Variants in CEP112 observed in about 807,000 individuals in gnomAD.
CEP112 encodes the protein centrosomal protein of 112 kDa.
Under a neutral mutation model 153.0 loss-of-function variants are expected in CEP112, and 127 were observed. The ratio of observed to expected loss-of-function variants is 0.83; its 90% CI spans 0.72 to 0.96. The LOEUF is 0.96. Ranked by LOEUF, CEP112 falls within the 40% of genes least tolerant of loss-of-function variation. The pLI, the probability that CEP112 is intolerant of heterozygous loss-of-function variation, is 0.00. For missense variants in CEP112, 1,089 were observed against 1,101.2 expected (o/e 0.99, Z 0.16); for synonymous variants, 358 against 374.4 (o/e 0.96, Z 0.51).
At chr17:66,003,589 G>T (rs552346365) in intron 17 of CEP112, among the ~76,000 whole-genome samples, 1 of 152,162 alleles carries the variant, frequency 6.6e-6, no homozygotes, top group Non-Finnish European at 1.5e-5. Context: ...ATTACAATGT[G>T]TAAACATTGT....
intron 21 of CEP112, among the ~76,000 whole-genome samples, chr17:65,762,706 T>A (rs1342319452): frequency 1.3e-5 from 2 of 152,092 alleles, no homozygotes; most frequent in East Asian, 1.9e-4. Context: ...CTTATATGAA[T>A]GAAATAATCC....
At chr17:66,003,403 TA>T (rs2064141519) in intron 17 of CEP112, among the ~76,000 whole-genome samples, 1 of 152,172 alleles carries the variant, frequency 6.6e-6, no homozygotes, top group South Asian at 2.1e-4. Context: ...GTTATATACA[TA>T]AACTCCTAAT....
Position 65,847,416 on chromosome 17 carries a change from C to T in CEP112, c.2394+4388G>A, listed in dbSNP as rs9915297. Among the ~76,000 whole-genome samples, 402 of 152,286 alleles carry T rather than the reference C, an allele frequency of 2.6e-3. 1 individual carries two copies. The highest frequency in any genetic ancestry group is 9.4e-3 in the African/African-American group (389 of 41,546). On this transcript the variant is annotated intron_variant, in intron 21 of 26. Transcript: ENST00000535342. The stretch of plus-strand genomic sequence containing the variant: ...CCACTGTTCAGCTGGAAGCCTGTTT[C>T]GCTTTTTTTGAAACTCCTCACCTAA...
chr17:66,101,231 A>T (rs1320389053), intron 6 of CEP112, among the ~76,000 whole-genome samples: 2 of 152,136 alleles, frequency 1.3e-5, no homozygotes, highest in Non-Finnish European at 2.9e-5. Context: ...CTCAACTGTA[A>T]CATACATCAT....
rs544107336 is a variant in CEP112 at position 65,779,810 on chromosome 17, C to A, written c.2395-29086G>T. Among the ~76,000 whole-genome samples the A allele has an allele frequency of 3.9e-5, 6 of 152,028 alleles. No homozygotes were observed. In the South Asian group the frequency reaches 1.0e-3, roughly 26 times the overall value. Reference sequence around the variant, plus strand: ...TTATTAAAGAAGGAATAAACAAGACCGTTTTTGAGAAGTGTTGTAGTGTAT... The same window carrying A: ...TTATTAAAGAAGGAATAAACAAGACAGTTTTTGAGAAGTGTTGTAGTGTAT... On this transcript the variant is annotated intron_variant, in intron 21 of 26. Transcript: ENST00000535342.
At chr17:65,917,613 T>G (rs1176376595) in intron 19 of CEP112, among the ~76,000 whole-genome samples, 1 of 152,160 alleles carries the variant, frequency 6.6e-6, no homozygotes, top group Non-Finnish European at 1.5e-5. Context: ...TTGCCGCCTA[T>G]CTGACAAAGA....
chr17:65,879,222 G>C (rs997590742), intron 20 of CEP112, among the ~76,000 whole-genome samples: 1 of 152,154 alleles, frequency 6.6e-6, no homozygotes, highest in Admixed American at 6.5e-5. Flanking sequence ...ATATCACAGC[G>C]AGGCCAGGAA....
chr17:65,887,906 T>C (rs2059337905), intron 20 of CEP112, among the ~76,000 whole-genome samples: 1 of 152,140 alleles, frequency 6.6e-6, no homozygotes, highest in Non-Finnish European at 1.5e-5. Context: ...TAGTTTTGTA[T>C]CACTAACACT....
rs186212747 is a variant in CEP112 at position 66,101,117 on chromosome 17, G to A, written c.643-4485C>T. The stretch of plus-strand genomic sequence containing the variant: ...TAAAAGTCCAAATATTAAACTTTAC[G>A]AATATTTTTTAAAAATTCTCTGGAC... On this transcript the variant is annotated intron_variant, in intron 6 of 26. Coordinates refer to ENST00000535342, the MANE Select transcript of CEP112 (RefSeq NM_001199165.4). Among the ~76,000 whole-genome samples the A allele has an allele frequency of 8.0e-4, 121 of 152,102 alleles. 2 individuals carry two copies. The South Asian group carries it at 8.5e-3, about 11-fold the overall frequency.
At chr17:65,786,518 AT>A (rs1446002738) in intron 21 of CEP112, among the ~76,000 whole-genome samples, 2 of 143,664 alleles carry the variant, frequency 1.4e-5, no homozygotes, top group Non-Finnish European at 3.0e-5. Context: ...TCATGTATTT[AT>A]GGGCTACTGA....
intron 18 of CEP112, among the ~76,000 whole-genome samples, chr17:65,948,678 G>T (rs11870043): frequency 0.48 from 72,640 of 151,684 alleles, 18,394 homozygotes; most frequent in East Asian, 0.89. Context: ...GAGCTAAACT[G>T]ATAATAAATT....
At chr17:66,001,197 C>T (rs1385534943) in intron 17 of CEP112, among the ~76,000 whole-genome samples, 9 of 152,202 alleles carry the variant, frequency 5.9e-5, no homozygotes, top group Non-Finnish European at 1.0e-4. Flanking sequence ...GCGGTGGCAG[C>T]AAACCAGTGT....
At chr17:65,870,464 A>T (rs2058636869) in intron 20 of CEP112, among the ~76,000 whole-genome samples, 1 of 152,242 alleles carries the variant, frequency 6.6e-6, no homozygotes, top group African/African-American at 2.4e-5. Context: ...ATAGCTATGT[A>T]GAAGCATTTA....
intron 19 of CEP112, among the ~76,000 whole-genome samples, chr17:65,920,404 T>TATATATATATATATATAA (rs1411367503): frequency 9.0e-6 from 1 of 111,370 alleles, no homozygotes; most frequent in Non-Finnish European, 1.8e-5. Context: ...TATATATATA[T>TATATATATATATATATAA]AATTATAATA....
chr17:65,885,106 C>T (rs984681475), intron 20 of CEP112, among the ~76,000 whole-genome samples: 1 of 152,086 alleles, frequency 6.6e-6, no homozygotes, highest in Non-Finnish European at 1.5e-5. Flanking sequence ...TGGTACCTAA[C>T]CTCCCAAGTA....
intron 24 of CEP112, among the ~76,000 whole-genome samples, chr17:65,661,197 C>T (rs1424635976): frequency 6.6e-6 from 1 of 152,150 alleles, no homozygotes; most frequent in Non-Finnish European, 1.5e-5. Context: ...TTCCTCTGAA[C>T]TGGCTAGAGA....
At chr17:65,651,964 A>G (rs2045805031) in intron 24 of CEP112, among the ~76,000 whole-genome samples, 1 of 152,194 alleles carries the variant, frequency 6.6e-6, no homozygotes, top group African/African-American at 2.4e-5. Flanking sequence ...TGGCCTCCCA[A>G]AGTGCTGGGA....
At chr17:65,792,212 T>C (rs923794697) in intron 21 of CEP112, among the ~76,000 whole-genome samples, 4 of 152,230 alleles carry the variant, frequency 2.6e-5, no homozygotes, top group Non-Finnish European at 5.9e-5. Flanking sequence ...TGATTTACTA[T>C]ATCTCTATAT....
At chr17:66,186,562 T>A (rs1055622620) in intron 1 of CEP112, among the ~76,000 whole-genome samples, 5 of 152,212 alleles carry the variant, frequency 3.3e-5, no homozygotes, top group African/African-American at 1.2e-4. Flanking sequence ...GTGCTGGGAT[T>A]ACAGGCATGA....
Sources: gnomAD v4.1 joint callset for allele counts (sites outside exome capture counted in the v4.1 genomes callset) on GRCh38, gnomAD v4.1.1 for gene constraint, MANE v1.5 for transcripts, NCBI Gene and HGNC (gene_info 2026-07-23, HGNC 2026-07-21) for gene names.